The following MPI variants were observed in gnomAD, a reference collection of about 807,000 sequenced individuals.
MPI encodes mannose phosphate isomerase, also known as mannose-6-phosphate isomerase.
MPI carries 33 observed loss-of-function variants against 40.1 expected under a neutral mutation model. The observed-to-expected ratio is 0.82, with a 90% CI of 0.62 to 1.10. MPI has a LOEUF of 1.10. Ranked by LOEUF, MPI falls within the 50% of genes least tolerant of loss-of-function variation. MPI has a pLI of 0.00. For synonymous variants in MPI, 187 were observed against 207.4 expected (o/e 0.90, Z 0.85); for missense variants, 514 against 524.1 (o/e 0.98, Z 0.19).
At position 74,897,698 on chromosome 15, in the gene MPI, CT is replaced by C; in HGVS notation, c.1241del (p.Leu414ArgfsTer2). The stretch of plus-strand genomic sequence containing the variant: ...ACTGAAGCTTACTGAGCCGAAGGAC[CT>C]GCTGATATTCCGTGCCTGCTGTCTG... ...VSLKLTEPKD[L>X]LIFRACCLL On this transcript the variant is annotated frameshift_variant, in exon 8 of 8. Transcript: ENST00000352410. LOFTEE classifies it high-confidence loss of function. 1 of 1,614,142 alleles carries C rather than the reference CT, an allele frequency of 6.2e-7. No homozygotes were observed. Among genetic ancestry groups the C allele is most frequent in the Non-Finnish European group, 8.5e-7 (1 of 1,180,012 alleles).
chr15:74,895,695 G>A (rs1347225711), intron 5 of MPI: 3 of 167,006 alleles, frequency 1.8e-5, no homozygotes, highest in African/African-American at 7.2e-5. Flanking sequence ...TCTCATACAG[G>A]GGACATTTGG....
intron 2 of MPI, 53 bp downstream of exon 2, chr15:74,890,707 G>C (rs941127180): frequency 1.2e-6 from 2 of 1,607,300 alleles, no homozygotes; most frequent in Non-Finnish European, 8.5e-7. Flanking sequence ...AGGAGAAAGG[G>C]CCTGAGGCAA....
At chr15:74,895,556 G>C (rs115409292) in intron 5 of MPI, 11,426 of 157,272 alleles carry the variant, frequency 0.073, 1,188 homozygotes, top group African/African-American at 0.23. Context: ...TCGTGCCACT[G>C]CACTCCAGCC....
In MPI at chr15:74,891,632, G is replaced by A. The variant is rs1483798441; in HGVS notation, c.345+53G>A. The A allele has an allele frequency of 3.2e-6, 5 of 1,583,490 alleles. No individual in the cohort carries two copies. The African/African-American group carries it at 6.7e-5, about 21-fold the overall frequency. ...CAGGGTACAGAAGGGCTTATGCTAA[G>A]GCCCTCCCGTGACTTTTACTGCCAC... On this transcript the variant is annotated intron_variant, in intron 3 of 7. Transcript: ENST00000352410.
Position 74,897,633 on chromosome 15 carries a change from G to A in MPI, c.1175G>A (p.Arg392His), listed in dbSNP as rs762164813. ...ACCCAGACACCAATCCCTCTGCAAC[G>A]TGGTGGCGTGCTCTTCATTGGGGCC... is the stretch of plus-strand genomic sequence containing the variant. The part of the protein sequence containing the change: ...PTTQTPIPLQ[R>H]GGVLFIGANE... The change falls in exon 8 of 8, where the codon CGT becomes CAT. Residue 392 changes from arginine (R) to histidine (H), a missense_variant. By Grantham distance (29) the Arg-to-His change is conservative (BLOSUM62 0). Coordinates refer to ENST00000352410, the MANE Select transcript of MPI (RefSeq NM_002435.3). The A allele has an allele frequency of 3.2e-5, 51 of 1,614,064 alleles. No homozygotes were observed. The highest frequency in any genetic ancestry group is 3.3e-5 in the Admixed American group (2 of 60,000).
At position 74,892,021 on chromosome 15, in the gene MPI, G is replaced by T. The variant is rs569089590; in HGVS notation, c.345+442G>T. Among the ~76,000 whole-genome samples, 12 of 151,300 alleles carry T rather than the reference G, an allele frequency of 7.9e-5. No homozygotes were observed. In the East Asian group the frequency reaches 2.3e-3, roughly 29 times the overall value. On this transcript the variant is annotated intron_variant, in intron 3 of 7. Transcript: ENST00000352410. ...CTTTTTTTTTTTTTCTGAGACTTGA[G>T]TCTTGCTCTGTCGCCCAGGCTGGAG... is the stretch of plus-strand genomic sequence containing the variant.
intron 5 of MPI, 29 bp from the exon 6 acceptor site, chr15:74,896,123 G>A (rs767337535): frequency 1.2e-6 from 2 of 1,613,194 alleles, no homozygotes; most frequent in Non-Finnish European, 1.7e-6. Flanking sequence ...ATCCCCCTAA[G>A]TGACCTTGGG....
chr15:74,896,787 C>A, intron 6 of MPI: 1 of 638,022 alleles, frequency 1.6e-6, no homozygotes, highest in Non-Finnish European at 2.8e-6. Flanking sequence ...AGAGTTGGGG[C>A]TCCCCAACCC....
At chr15:74,891,107 C>T in intron 2 of MPI, 2 of 599,990 alleles carry the variant, frequency 3.3e-6, no homozygotes, top group Non-Finnish European at 6.1e-6. Context: ...AGATGTCATT[C>T]TCCTCTTTGG....
At chr15:74,892,939 G>T in intron 4 of MPI, 137 bp downstream of exon 4, 1 of 1,449,832 alleles carries the variant, frequency 6.9e-7, no homozygotes. Flanking sequence ...TTTGGAGCCA[G>T]TGAGCCAGGC....
rs191964997 is a variant in MPI at position 74,896,602 on chromosome 15, C to G, written c.844+277C>G. Reference sequence around the variant, plus strand: ...GTGGGAACCACAATTTGAACGCAGGCTATATTGGATCAAAGCTGTTGTTCT... The same window carrying G: ...GTGGGAACCACAATTTGAACGCAGGGTATATTGGATCAAAGCTGTTGTTCT... On this transcript the variant is annotated intron_variant, in intron 6 of 7. Transcript: ENST00000352410. 187 of 630,542 alleles carry G rather than the reference C, an allele frequency of 3.0e-4. 1 individual carries two copies. In the East Asian group the frequency reaches 5.0e-3, roughly 17 times the overall value. 39.1% of individuals were successfully genotyped at this position (630,542 alleles called of 1,614,324 possible).
At chr15:74,890,484 G>C (rs564069303) in intron 1 of MPI, 43 bp from the exon 2 acceptor site, 1 of 1,613,312 alleles carries the variant, frequency 6.2e-7, no homozygotes, top group Admixed American at 1.7e-5. Flanking sequence ...CTAGGGTGGG[G>C]CCTGAGGAGT....
At position 74,901,008 on chromosome 15, in the gene MPI, C is replaced by A. The variant is rs953099357; in HGVS notation, c.*3278C>A. 1 of 152,232 alleles carries A rather than the reference C, an allele frequency of 6.6e-6. No homozygotes were observed. The highest frequency in any genetic ancestry group is 2.4e-5 in the African/African-American group (1 of 41,446). The allele number at this position is 152,232 out of a possible 1,614,324, so 9.4% of individuals were successfully genotyped here. On this transcript the variant is annotated 3_prime_UTR_variant, in exon 8 of 8. Transcript: ENST00000352410. ...ATTAGACTTGCTCATCTTCTAGTCA[C>A]CCCTTGTGGTAGAGCGAAAAGAGTG...
intron 5 of MPI, chr15:74,893,615 C>T (rs1320731132): frequency 1.0e-5 from 6 of 598,188 alleles, no homozygotes; most frequent in Non-Finnish European, 3.0e-6. Flanking sequence ...TTCCCTAGCC[C>T]TGCAGCTGCC....
chr15:74,897,191 T>C lies in MPI; in HGVS notation c.1025T>C (p.Val342Ala), dbSNP rs2064831861. ...TACCTCTCAATCTATGACCCCCCTG[T>C]ACCAGACTTCACCATTATGAAGACG... Reference protein sequence around the residue: ...DPYLSIYDPPVPDFTIMKTEV... With the variant: ...DPYLSIYDPPAPDFTIMKTEV... Residue 342 changes from valine (V) to alanine (A), a missense_variant, in exon 7 of 8, where the codon GTA becomes GCA. By Grantham distance (64) the Val-to-Ala change is moderately conservative (BLOSUM62 0). Transcript: ENST00000352410. 6.2e-7 allele frequency: 1 copy of C among 1,614,166 alleles called. No individual in the cohort carries two copies.
intron 5 of MPI, among the ~76,000 whole-genome samples, chr15:74,894,036 T>G (rs62004160): frequency 0.23 from 21,023 of 89,780 alleles, 6,947 homozygotes; most frequent in Non-Finnish European, 0.45. Flanking sequence ...TTTTTTTCTG[T>G]TCAGTGTGTG....
chr15:74,897,398 G>A, intron 7 of MPI, 114 bp from the exon 8 acceptor site: 3 of 1,316,620 alleles, frequency 2.3e-6, no homozygotes, highest in South Asian at 2.4e-5. Flanking sequence ...ACTGAGCCTG[G>A]GTTGTGCGAG....
chr15:74,894,598 G>A (rs866167914), intron 5 of MPI, among the ~76,000 whole-genome samples: 6 of 148,006 alleles, frequency 4.1e-5, no homozygotes, highest in Non-Finnish European at 7.4e-5. Context: ...CACTTCAGCC[G>A]GGGCAATAGA....
At position 74,897,926 on chromosome 15, in the gene MPI, G is replaced by C; in HGVS notation, c.*196G>C. ...CAGGTGGAACCATCTTTGGGGAGGAGAGGCCCGTGTGAGGGGTCTGATACT... is the reference window on the plus strand; with the variant it reads ...CAGGTGGAACCATCTTTGGGGAGGACAGGCCCGTGTGAGGGGTCTGATACT... On this transcript the variant is annotated 3_prime_UTR_variant, in exon 8 of 8. Coordinates refer to ENST00000352410, the MANE Select transcript of MPI (RefSeq NM_002435.3). The C allele has an allele frequency of 7.6e-6, 5 of 661,480 alleles. No homozygotes were observed. The highest frequency in any genetic ancestry group is 4.2e-5 in the Admixed American group (2 of 47,426). The allele number at this position is 661,480 out of a possible 1,614,324, so 41.0% of individuals were successfully genotyped here. A position where few individuals can be genotyped will look rare whatever the true frequency, so the allele number is the denominator to read the frequency against.
Sources: gnomAD v4.1 joint callset for allele counts (sites outside exome capture counted in the v4.1 genomes callset) on GRCh38, gnomAD v4.1.1 for gene constraint, MANE v1.5 for transcripts, NCBI Gene and HGNC (gene_info 2026-07-23, HGNC 2026-07-21) for gene names.